Variants in ZFP36L2 observed in about 807,000 individuals in gnomAD.
ZFP36L2 encodes mRNA decay activator protein ZFP36L2.
ZFP36L2 carries 16 observed loss-of-function variants against 27.9 expected under a neutral mutation model. The ratio of observed to expected loss-of-function variants is 0.57; its 90% CI spans 0.39 to 0.87. The LOEUF (loss-of-function observed/expected upper bound fraction) is 0.87, where lower values mean the gene tolerates loss of function less well. Among genes scored for constraint, ZFP36L2 ranks in the 40% least tolerant of loss-of-function variants. ZFP36L2 has a pLI of 0.00. For missense variants in ZFP36L2, 989 were observed against 726.9 expected (o/e 1.36, Z -4.15); for synonymous variants, 600 against 363.8 (o/e 1.65, Z -7.39).
rs1318710949 is a variant in ZFP36L2, at chr2:43,223,369, CATA to C, written c.*947_*949del. The C allele has an allele frequency of 5.9e-5, 9 of 152,148 alleles. No individual in the cohort carries two copies. Among genetic ancestry groups the C allele is most frequent in the East Asian group, 1.9e-4 (1 of 5,272 alleles). 9.4% of individuals were successfully genotyped at this position (152,148 alleles called of 1,614,324 possible). On this transcript the variant is annotated 3_prime_UTR_variant, in exon 2 of 2. Transcript: ENST00000282388. ...ATTAATAATGGCAATCATAATTTAA[CATA>C]ATAAAAGAATATATATCTATTGCTT... is the stretch of plus-strand genomic sequence containing the variant.
At position 43,225,711 on chromosome 2, in the gene ZFP36L2, C is replaced by G; in HGVS notation, c.93G>C (p.Leu31=). ...CAGGCGTCCCCACCGCCTTCTTGTCCAGCATGTTGTTCAGGTTGAGGTTGG... is the reference window on the plus strand; with the variant it reads ...CAGGCGTCCCCACCGCCTTCTTGTCGAGCATGTTGTTCAGGTTGAGGTTGG... The part of the protein sequence containing the change: ...SLANLNLNNM[L]DKKAVGTPVA... The change falls in exon 2 of 2, where the codon CTG becomes CTC. Residue 31 remains leucine (L), a synonymous_variant. Coordinates refer to ENST00000282388, the MANE Select transcript of ZFP36L2 (RefSeq NM_006887.5). The G allele has an allele frequency of 6.3e-7, 1 of 1,595,684 alleles. No individual in the cohort carries two copies. Among genetic ancestry groups the G allele is most frequent in the Admixed American group, 1.7e-5 (1 of 59,850 alleles).
chr2:43,226,138 T>C (rs946412979), intron 1 of ZFP36L2, 127 bp downstream of exon 1: 2 of 1,381,444 alleles, frequency 1.4e-6, no homozygotes, highest in African/African-American at 1.5e-5. Flanking sequence ...GGACACTCTT[T>C]TGCAAACCCC....
chr2:43,224,394 G>A lies in ZFP36L2; in HGVS notation c.1410C>T (p.Ser470=). 3.2e-6 allele frequency: 5 copies of A among 1,561,228 alleles called. No homozygotes were observed. Among genetic ancestry groups the A allele is most frequent in the South Asian group, 2.3e-5 (2 of 86,778 alleles). Residue 470 remains serine (S), a synonymous_variant, in exon 2 of 2, where the codon AGC becomes AGT. Transcript: ENST00000282388. ...GGTCGAGGCTGGGAGACTCAGAGCC[G>A]CTGAGGCTGCCGGAGCTCAGGGAGC... ...LSGSLSSGSL[S]GSESPSLDPG... is the part of the protein sequence containing the mutation.
Position 43,225,070 on chromosome 2 carries a change from C to T in ZFP36L2, c.734G>A (p.Gly245Asp), listed in dbSNP as rs769507302. The T allele has an allele frequency of 1.9e-6, 3 of 1,594,824 alleles. No homozygotes were observed. The highest frequency in any genetic ancestry group is 2.5e-6 in the Non-Finnish European group (3 of 1,177,998). The change falls in exon 2 of 2, where the codon GGC becomes GAC. Residue 245 changes from glycine (G) to aspartate (D), a missense_variant. Physicochemically the swap from Gly to Asp is moderately conservative, Grantham distance 94. Transcript: ENST00000282388. ...CTTGGGCCGCGGCTCCCGCGGGAAG[C>T]CCAGGTGCAACGCATCGCGCGTGCC... ...AFGTRDALHL[G>D]FPREPRPKLH...
chr2:43,224,192 T>G lies in ZFP36L2; in HGVS notation c.*127A>C. 1 of 993,972 alleles carries G rather than the reference T, an allele frequency of 1.0e-6. No homozygotes were observed. Among genetic ancestry groups the G allele is most frequent in the Non-Finnish European group, 1.3e-6 (1 of 752,700 alleles). The allele number at this position is 993,972 out of a possible 1,614,324, so 61.6% of individuals were successfully genotyped here. On this transcript the variant is annotated 3_prime_UTR_variant, in exon 2 of 2. Transcript: ENST00000282388. Reference sequence around the variant, plus strand: ...TTCGAGTCCAAGTGCTCGGTCGGGCTTGCAGTCTGCCTAGGGCCCATGTCA... The same window carrying G: ...TTCGAGTCCAAGTGCTCGGTCGGGCGTGCAGTCTGCCTAGGGCCCATGTCA...
Position 43,225,161 on chromosome 2 carries a change from T to C in ZFP36L2, c.643A>G (p.Ile215Val). The C allele has an allele frequency of 6.3e-7, 1 of 1,596,102 alleles. No individual in the cohort carries two copies. The highest frequency in any genetic ancestry group is 8.5e-7 in the Non-Finnish European group (1 of 1,178,790). ...GGCCGCCGCTCGTCCGCGTTGTGGATGAAGTGGCAGCGCGGCCCATAGGGG... is the reference window on the plus strand; with the variant it reads ...GGCCGCCGCTCGTCCGCGTTGTGGACGAAGTGGCAGCGCGGCCCATAGGGG... ...FCPYGPRCHF[I>V]HNADERRPAP... Residue 215 changes from isoleucine to valine, a missense_variant, in exon 2 of 2, where the codon ATC (isoleucine) becomes GTC (valine). Coordinates refer to ENST00000282388, the MANE Select transcript of ZFP36L2 (RefSeq NM_006887.5).
rs747465522 is a variant in ZFP36L2 at position 43,225,475 on chromosome 2, G to C, written c.329C>G (p.Thr110Arg). ...TTTGTTCTCCTTGTTGAGCAGGGCT[G>C]TGCCGCCGCCCCCCGACGGCTCCTT... ...TLKEPSGGGG[T>R]ALLNKENKFR... Residue 110 changes from threonine to arginine, a missense_variant, in exon 2 of 2, where the codon ACA becomes AGA. Transcript: ENST00000282388. 1.9e-6 allele frequency: 3 copies of C among 1,609,158 alleles called. No individual in the cohort carries two copies. The African/African-American group carries it at 4.0e-5, about 22-fold the overall frequency.
Position 43,225,030 on chromosome 2 carries a change from G to A in ZFP36L2, c.774C>T (p.Leu258=). ...REPRPKLHHS[L]SFSGFPSGHH... Reference sequence around the variant, plus strand: ...GGCCCGACGGGAAGCCCGAGAAGCTGAGGCTGTGGTGCAACTTGGGCCGCG... The same window carrying A: ...GGCCCGACGGGAAGCCCGAGAAGCTAAGGCTGTGGTGCAACTTGGGCCGCG... The change falls in exon 2 of 2, where the codon CTC becomes CTT. Residue 258 remains leucine (L), a synonymous_variant. Coordinates refer to ENST00000282388, the MANE Select transcript of ZFP36L2 (RefSeq NM_006887.5). 6.3e-7 allele frequency: 1 copy of A among 1,595,412 alleles called. No individual in the cohort carries two copies. Among genetic ancestry groups the A allele is most frequent in the South Asian group, 1.1e-5 (1 of 90,898 alleles).
Position 43,224,641 on chromosome 2 carries a change from G to T in ZFP36L2, c.1163C>A (p.Ala388Asp). The T allele has an allele frequency of 6.7e-7, 1 of 1,501,000 alleles. No individual in the cohort carries two copies. Among genetic ancestry groups the T allele is most frequent in the Non-Finnish European group, 8.9e-7 (1 of 1,128,788 alleles). 93.0% of individuals were successfully genotyped at this position (1,501,000 alleles called of 1,614,324 possible). A position where few individuals can be genotyped will look rare whatever the true frequency, so the allele number is the denominator to read the frequency against. ...CTGCTGACTGCGGTAGTAGGCGGCGGCGGCCACGGCGGCAAAGTTGTGGGT... is the reference window on the plus strand; with the variant it reads ...CTGCTGACTGCGGTAGTAGGCGGCGTCGGCCACGGCGGCAAAGTTGTGGGT... ...IQTHNFAAVAAAAYYRSQQQQ... is the reference protein window; with the variant it reads ...IQTHNFAAVADAAYYRSQQQQ... Residue 388 changes from alanine to aspartate, a missense_variant, in exon 2 of 2, where the codon GCC (alanine) becomes GAC (aspartate). Physicochemically the swap from Ala to Asp is moderately radical, Grantham distance 126. Coordinates refer to ENST00000282388, the MANE Select transcript of ZFP36L2 (RefSeq NM_006887.5).
At position 43,224,224 on chromosome 2, in the gene ZFP36L2, C is replaced by T. The variant is rs1039585447; in HGVS notation, c.*95G>A. The stretch of plus-strand genomic sequence containing the variant: ...CTGCCTAGGGCCCATGTCACCCCCC[C>T]CACTCCCGTGCCCCCAGCAAGGGCG... On this transcript the variant is annotated 3_prime_UTR_variant, in exon 2 of 2. Transcript: ENST00000282388. 7.6e-7 allele frequency: 1 copy of T among 1,317,934 alleles called. No homozygotes were observed. Among genetic ancestry groups the T allele is most frequent in the East Asian group, 3.1e-5 (1 of 32,648 alleles). The allele number at this position is 1,317,934 out of a possible 1,614,324, so 81.6% of individuals were successfully genotyped here.
Position 43,225,121 on chromosome 2 carries a change from C to T in ZFP36L2, c.683G>A (p.Gly228Asp), listed in dbSNP as rs753188205. ...ADERRPAPSG[G>D]ASGDLRAFGT... is the part of the protein sequence containing the mutation. ...AAAGGCACGCAGGTCCCCGGAGGCG[C>T]CCCCCGACGGCGCGGGCCGCCGCTC... Residue 228 changes from glycine (G) to aspartate (D), a missense_variant, in exon 2 of 2, where the codon GGC (glycine) becomes GAC (aspartate). Gly to Asp is a moderately conservative substitution (Grantham distance 94). Transcript: ENST00000282388. The T allele has an allele frequency of 3.1e-6, 5 of 1,593,514 alleles. No individual in the cohort carries two copies. Among genetic ancestry groups the T allele is most frequent in the Middle Eastern group, 1.7e-4 (1 of 6,048 alleles).
Position 43,226,455 on chromosome 2 carries a change from A to G in ZFP36L2, c.-140T>C, listed in dbSNP as rs1461973799. 9.0e-7 allele frequency: 1 copy of G among 1,114,928 alleles called. No individual in the cohort carries two copies. The allele number at this position is 1,114,928 out of a possible 1,614,324, so 69.1% of individuals were successfully genotyped here. On this transcript the variant is annotated 5_prime_UTR_variant, in exon 1 of 2. Transcript: ENST00000282388. ...CGAAAGTTTGCCGGGGGGCGAGAGG[A>G]GAGGGCGAGTGCAGCGGCGCGGGCC...
In ZFP36L2 at chr2:43,223,610, G is replaced by GA. The variant is rs1204225918; in HGVS notation, c.*708dup. On this transcript the variant is annotated 3_prime_UTR_variant, in exon 2 of 2. Transcript: ENST00000282388. The stretch of plus-strand genomic sequence containing the variant: ...GGAGCAGACAAAATGGTTCTAAACT[G>GA]AACATCCACTAAGTGGTGGCAATGA... The GA allele has an allele frequency of 1.3e-5, 2 of 152,690 alleles. No individual in the cohort carries two copies. Among genetic ancestry groups the GA allele is most frequent in the African/African-American group, 4.8e-5 (2 of 41,414 alleles). The allele number at this position is 152,690 out of a possible 1,614,324, so 9.5% of individuals were successfully genotyped here.
Position 43,224,105 on chromosome 2 carries a change from TAAA to T in ZFP36L2, c.*211_*213del. 6.9e-6 allele frequency: 2 copies of T among 289,986 alleles called. No individual in the cohort carries two copies. The highest frequency in any genetic ancestry group is 1.2e-5 in the Non-Finnish European group (2 of 171,062). The allele number at this position is 289,986 out of a possible 1,614,324, so 18.0% of individuals were successfully genotyped here. ...AAAGAATGAAACTTCGTAATAAAAA[TAAA>T]AAAAAAAAGACAAGAGGAAACCGAA... is the stretch of plus-strand genomic sequence containing the variant. On this transcript the variant is annotated 3_prime_UTR_variant, in exon 2 of 2. Transcript: ENST00000282388.
rs1310081942 is a variant in ZFP36L2 at position 43,223,135 on chromosome 2, A to G, written c.*1184T>C. 6.6e-6 allele frequency: 1 copy of G among 152,328 alleles called. No homozygotes were observed. The highest frequency in any genetic ancestry group is 1.5e-5 in the Non-Finnish European group (1 of 68,028). The allele number at this position is 152,328 out of a possible 1,614,324, so 9.4% of individuals were successfully genotyped here. ...AAGAAAACTCATAGGATGTTCCTCA[A>G]ACTACTTCCACAGCATCAAGATCGA... On this transcript the variant is annotated 3_prime_UTR_variant, in exon 2 of 2. Transcript: ENST00000282388.
In ZFP36L2 at chr2:43,223,305, A is replaced by T. The variant is rs1490906318; in HGVS notation, c.*1014T>A. 6.6e-6 allele frequency: 1 copy of T among 152,342 alleles called. No individual in the cohort carries two copies. The highest frequency in any genetic ancestry group is 1.5e-5 in the Non-Finnish European group (1 of 68,028). 9.4% of individuals were successfully genotyped at this position (152,342 alleles called of 1,614,324 possible). A position where few individuals can be genotyped will look rare whatever the true frequency, so the allele number is the denominator to read the frequency against. ...AACCAAGTGAAGTTACAAAAGGCAT[A>T]TATTACTGTGAAAAGAACATACACT... On this transcript the variant is annotated 3_prime_UTR_variant, in exon 2 of 2. Transcript: ENST00000282388.
At position 43,226,575 on chromosome 2, in the gene ZFP36L2, A is replaced by C. The variant is rs1667113443; in HGVS notation, c.-260T>G. ...GGTGCCCGGCCCGCCCCCCCCGCGG[A>C]GCCGACGGCAGCTCGCGGACTGCTG... On this transcript the variant is annotated 5_prime_UTR_variant, in exon 1 of 2. Transcript: ENST00000282388. The C allele has an allele frequency of 2.0e-6, 1 of 491,648 alleles. No homozygotes were observed. Among genetic ancestry groups the C allele is most frequent in the Admixed American group, 4.5e-5 (1 of 22,382 alleles). The allele number at this position is 491,648 out of a possible 1,614,324, so 30.5% of individuals were successfully genotyped here.
At position 43,225,575 on chromosome 2, in the gene ZFP36L2, T is replaced by G. The variant is rs747629781; in HGVS notation, c.229A>C (p.Lys77Gln). Reference sequence around the variant, plus strand: ...CTGCCGTTAGCGGCGCCCGGGAACTTGGGCGAGCAGCTGCCGGGGCTGGGC... The same window carrying G: ...CTGCCGTTAGCGGCGCCCGGGAACTGGGGCGAGCAGCTGCCGGGGCTGGGC... ...PAPSPGSCSP[K>Q]FPGAANGSSC... Residue 77 changes from lysine (K) to glutamine (Q), a missense_variant, in exon 2 of 2, where the codon AAG becomes CAG. Lys to Gln is a moderately conservative substitution (Grantham distance 53, BLOSUM62 1). Transcript: ENST00000282388. 114 of 1,564,680 alleles carry G rather than the reference T, an allele frequency of 7.3e-5. No individual in the cohort carries two copies. Among genetic ancestry groups the G allele is most frequent in the Non-Finnish European group, 9.4e-5 (109 of 1,160,768 alleles).
rs758516745 is a variant in ZFP36L2, at chr2:43,225,548, T to G, written c.256A>C (p.Ser86Arg). 1.3e-6 allele frequency: 2 copies of G among 1,580,126 alleles called. No individual in the cohort carries two copies. Among genetic ancestry groups the G allele is most frequent in the Non-Finnish European group, 1.7e-6 (2 of 1,167,378 alleles). ...CCGCCGGCCGCCGCGCTGCCGCAGC[T>G]GCTGCCGTTAGCGGCGCCCGGGAAC... ...PKFPGAANGS[S>R]CGSAAAGGPT... Residue 86 changes from serine to arginine, a missense_variant, in exon 2 of 2, where the codon AGC (serine) becomes CGC (arginine). Transcript: ENST00000282388.
Sources: allele counts gnomAD v4.1 joint callset, GRCh38; gene constraint gnomAD v4.1.1; transcripts MANE v1.5; gene names NCBI Gene and HGNC (gene_info 2026-07-23, HGNC 2026-07-21).